NRXN3: variants seen among roughly 807,000 people sequenced by gnomAD.
The protein encoded by NRXN3 is neurexin 3, also known as neurexin III.
NRXN3 carries 32 observed loss-of-function variants against 137.6 expected under a neutral mutation model. That is an observed-to-expected ratio of 0.23 (90% CI 0.18 to 0.31). The LOEUF (loss-of-function observed/expected upper bound fraction) is 0.31, where lower values mean the gene tolerates loss of function less well. NRXN3 is among the 10% of genes least tolerant of loss of function. The probability of loss-of-function intolerance (pLI) is 1.00; values close to 1 mark genes in which losing one functional copy is unlikely to be tolerated. For synonymous variants in NRXN3, 798 were observed against 784.5 expected, an observed-to-expected ratio of 1.02 and a Z score of -0.29; for missense variants, 1,574 against 2,062.5, an observed-to-expected ratio of 0.76 and a Z score of 4.59.
rs571438838 is a variant in NRXN3 at position 79,040,811 on chromosome 14, T to C, written c.3262+52670T>C. 1.1e-4 allele frequency among the ~76,000 whole-genome samples: 16 copies of C among 152,316 alleles called. No individual in the cohort carries two copies. In the South Asian group the frequency reaches 3.3e-3, roughly 32 times the overall value. On this transcript the variant is annotated intron_variant, in intron 15 of 20. Transcript: ENST00000335750. ...GTCCTCCTAATGCGCATGTGGGCTCTTAGCTTGAGTTACTCCATATTGCTT... is the reference window on the plus strand; with the variant it reads ...GTCCTCCTAATGCGCATGTGGGCTCCTAGCTTGAGTTACTCCATATTGCTT...
chr14:78,226,165 G>A (rs145211193), intron 1 of NRXN3, among the ~76,000 whole-genome samples: 2,598 of 152,124 alleles, frequency 0.017, 64 homozygotes, highest in African/African-American at 0.058. Context: ...CACCACGCCC[G>A]ACTAATTTTT....
At chr14:78,901,983 T>A (rs1000222173) in intron 10 of NRXN3, among the ~76,000 whole-genome samples, 3 of 152,028 alleles carry the variant, frequency 2.0e-5, no homozygotes, top group African/African-American at 7.2e-5. Flanking sequence ...TTGTCGGGTA[T>A]GCAAGGGGGC....
chr14:78,619,249 C>T (rs890932435), intron 4 of NRXN3, among the ~76,000 whole-genome samples: 1 of 152,130 alleles, frequency 6.6e-6, no homozygotes, highest in Non-Finnish European at 1.5e-5. Flanking sequence ...TTTAGACGGC[C>T]TTGCTTCTAA....
chr14:78,232,847 C>T, intron 1 of NRXN3, among the ~76,000 whole-genome samples: 1 of 152,206 alleles, frequency 6.6e-6, no homozygotes, highest in East Asian at 1.9e-4. Context: ...GGGAGGCCCA[C>T]TGGCCAGGGA....
chr14:79,493,117 A>G (rs1237502571), intron 16 of NRXN3, among the ~76,000 whole-genome samples: 3 of 152,220 alleles, frequency 2.0e-5, no homozygotes, highest in Non-Finnish European at 4.4e-5. Flanking sequence ...AGAAGTTGGC[A>G]TTGTGAAGAT....
intron 15 of NRXN3, among the ~76,000 whole-genome samples, chr14:79,062,802 TTTTGTTTTTCATG>T (rs2099675808): frequency 1.3e-5 from 2 of 152,206 alleles, no homozygotes; most frequent in Admixed American, 1.3e-4. Flanking sequence ...CTCTATTCAA[TTTTGTTTTTCATG>T]CAAGAGAAAA....
intron 4 of NRXN3, among the ~76,000 whole-genome samples, chr14:78,604,252 A>G (rs2152446325): frequency 6.6e-6 from 1 of 151,550 alleles, no homozygotes; most frequent in East Asian, 1.9e-4. Flanking sequence ...ATTCAAGATG[A>G]GATTTGGGTG....
intron 17 of NRXN3, among the ~76,000 whole-genome samples, chr14:79,671,922 C>T (rs2098609846): frequency 6.6e-6 from 1 of 151,946 alleles, no homozygotes; most frequent in Admixed American, 6.6e-5. Context: ...AACACATGGA[C>T]ACAGGGCACA....
At position 79,381,892 on chromosome 14, in the gene NRXN3, A is replaced by C. The variant is rs149467741; in HGVS notation, c.3263-85329A>C. The stretch of plus-strand genomic sequence containing the variant: ...ACATTTCACTTCCATATATAATACA[A>C]CTTATGTGCCCATATTTCATCCTCT... On this transcript the variant is annotated intron_variant, in intron 15 of 20. Coordinates refer to ENST00000335750, the MANE Select transcript of NRXN3 (RefSeq NM_001330195.2). 1.5e-3 allele frequency among the ~76,000 whole-genome samples: 234 copies of C among 152,216 alleles called. 2 individuals carry two copies. Among genetic ancestry groups the C allele is most frequent in the African/African-American group, 5.4e-3 (225 of 41,542 alleles).
intron 15 of NRXN3, among the ~76,000 whole-genome samples, chr14:79,049,500 A>G (rs925614000): frequency 2.0e-5 from 3 of 152,182 alleles, no homozygotes; most frequent in Non-Finnish European, 2.9e-5. Flanking sequence ...CCATAAAGCC[A>G]TCTACGGGGG....
chr14:78,227,625 T>C (rs909082020), intron 1 of NRXN3, among the ~76,000 whole-genome samples: 39 of 152,228 alleles, frequency 2.6e-4, no homozygotes, highest in African/African-American at 8.9e-4. Flanking sequence ...TCTTTGGTTC[T>C]CTGCGGTGAC....
chr14:79,403,549 T>G (rs2095253067), intron 15 of NRXN3, among the ~76,000 whole-genome samples: 1 of 152,206 alleles, frequency 6.6e-6, no homozygotes, highest in Non-Finnish European at 1.5e-5. Flanking sequence ...AAAACTGAGA[T>G]GCAGTGCAGT....
rs550389003 is a variant in NRXN3 at position 79,507,720 on chromosome 14, G to T, written c.3444+40318G>T. On this transcript the variant is annotated intron_variant, in intron 16 of 20. Transcript: ENST00000335750. ...TCAAAGCCCAAACCATACCCCAAGG[G>T]CACTCTGCATCGTTGAATTTATAGA... 2.6e-5 allele frequency among the ~76,000 whole-genome samples: 4 copies of T among 152,192 alleles called. No homozygotes were observed. The East Asian group carries it at 7.7e-4, about 29-fold the overall frequency.
At chr14:78,391,383 G>T (rs1378997649) in intron 4 of NRXN3, among the ~76,000 whole-genome samples, 1 of 152,106 alleles carries the variant, frequency 6.6e-6, no homozygotes, top group Non-Finnish European at 1.5e-5. Flanking sequence ...TTTGTGGCAG[G>T]TGTGGCTATG....
At chr14:78,397,435 G>A (rs1215038112) in intron 4 of NRXN3, among the ~76,000 whole-genome samples, 4 of 151,796 alleles carry the variant, frequency 2.6e-5, no homozygotes, top group African/African-American at 9.7e-5. Flanking sequence ...CCTCCATTCT[G>A]CTGTTGTGCC....
In NRXN3 at chr14:79,703,233, A is replaced by C. The variant is rs532152517; in HGVS notation, c.4014+5296A>C. On this transcript the variant is annotated intron_variant, in intron 19 of 20. Transcript: ENST00000335750. Reference sequence around the variant, plus strand: ...TTCCAGAAGGAAGCCACAATTTCTCATGTTTTGTAAAAATTCTTATAGGCA... The same window carrying C: ...TTCCAGAAGGAAGCCACAATTTCTCCTGTTTTGTAAAAATTCTTATAGGCA... 9.9e-5 allele frequency among the ~76,000 whole-genome samples: 15 copies of C among 152,280 alleles called. No individual in the cohort carries two copies. In the South Asian group the frequency reaches 3.1e-3, roughly 32 times the overall value.
intron 10 of NRXN3, among the ~76,000 whole-genome samples, chr14:78,845,701 C>G (rs920486700): frequency 9.9e-5 from 15 of 151,976 alleles, no homozygotes; most frequent in Admixed American, 9.8e-4. Flanking sequence ...ATTCTGTGGA[C>G]TTATATACTT....
intron 1 of NRXN3, among the ~76,000 whole-genome samples, chr14:78,211,483 C>T (rs2062734600): frequency 6.6e-6 from 1 of 152,248 alleles, no homozygotes; most frequent in Admixed American, 6.5e-5. Context: ...GCCCTTTGCT[C>T]CCCTCCTGGG....
intron 4 of NRXN3, among the ~76,000 whole-genome samples, chr14:78,474,253 ATTC>A (rs1252708964): frequency 6.6e-6 from 1 of 152,212 alleles, no homozygotes; most frequent in Non-Finnish European, 1.5e-5. Flanking sequence ...AAGAGCCACC[ATTC>A]TTCATGGTTA....
Sources: gnomAD v4.1 joint callset for allele counts (sites outside exome capture counted in the v4.1 genomes callset) on GRCh38, gnomAD v4.1.1 for gene constraint, MANE v1.5 for transcripts, NCBI Gene and HGNC (gene_info 2026-07-23, HGNC 2026-07-21) for gene names.